LIPA: variants seen among roughly 807,000 people sequenced by gnomAD.
LIPA encodes lipase A, lysosomal acid type.
In LIPA, 26 loss-of-function variants were observed where a neutral mutation model predicts 40.6. That is an observed-to-expected ratio of 0.64 (90% CI 0.47 to 0.89). The LOEUF is 0.89. LIPA is among the 40% of genes least tolerant of loss of function. LIPA has a pLI of 0.00. For missense variants in LIPA, 455 were observed against 479.6 expected (o/e 0.95, Z 0.48); for synonymous variants, 188 against 168.4 (o/e 1.12, Z -0.90).
At chr10:89,333,324 T>C (rs2133547501) in intron 1 of LIPA, among the ~76,000 whole-genome samples, 1 of 152,292 alleles carries the variant, frequency 6.6e-6, no homozygotes, top group South Asian at 2.1e-4. Flanking sequence ...GAAATCCTGA[T>C]TGAGTAAAAC....
intron 1 of LIPA, among the ~76,000 whole-genome samples, chr10:89,259,427 G>T (rs1019051589): frequency 6.6e-6 from 1 of 152,202 alleles, no homozygotes; most frequent in Non-Finnish European, 1.5e-5. Flanking sequence ...AAAAGTGTTG[G>T]CAAGGATGTG....
At chr10:89,399,521 T>C (rs1844391365) in intron 2 of LIPA, among the ~76,000 whole-genome samples, 1 of 152,218 alleles carries the variant, frequency 6.6e-6, no homozygotes, top group South Asian at 2.1e-4. Flanking sequence ...CATTTAGGTC[T>C]TTCATCCATT....
At chr10:89,287,296 C>G (rs950130135) in intron 1 of LIPA, among the ~76,000 whole-genome samples, 1 of 152,192 alleles carries the variant, frequency 6.6e-6, no homozygotes, top group Non-Finnish European at 1.5e-5. Context: ...GCATTACCTT[C>G]TTTTCAAGGT....
chr10:89,283,417 T>C (rs1283062243), intron 1 of LIPA, among the ~76,000 whole-genome samples: 1 of 152,230 alleles, frequency 6.6e-6, no homozygotes, highest in Non-Finnish European at 1.5e-5. Context: ...AAATTTAATT[T>C]GTCTAAGGTT....
intron 1 of LIPA, among the ~76,000 whole-genome samples, chr10:89,336,804 T>C (rs1469718524): frequency 1.3e-5 from 2 of 152,150 alleles, no homozygotes; most frequent in Non-Finnish European, 2.9e-5. Flanking sequence ...GGACACTTGG[T>C]TTAATGATTT....
At chr10:89,326,527 C>G (rs1372537908) in intron 1 of LIPA, among the ~76,000 whole-genome samples, 2 of 152,012 alleles carry the variant, frequency 1.3e-5, no homozygotes, top group African/African-American at 4.8e-5. Context: ...TTTGTTAGAA[C>G]AAGAGGATGA....
rs1016919907 is a variant in LIPA at position 89,352,937 on chromosome 10, A to C, written c.61+59854T>G. Among the ~76,000 whole-genome samples, 3 of 152,226 alleles carry C rather than the reference A, an allele frequency of 2.0e-5. No homozygotes were observed. The East Asian group carries it at 5.8e-4, about 29-fold the overall frequency. Reference sequence around the variant, plus strand: ...ACTGATAGCTTGTCTTCACCAGTACAGGACAGAAAGTCATAACTCTACTCG... The same window carrying C: ...ACTGATAGCTTGTCTTCACCAGTACCGGACAGAAAGTCATAACTCTACTCG... On this transcript the variant is annotated intron_variant, in intron 2 of 8. Coordinates refer to the LIPA transcript ENST00000371837.
intron 1 of LIPA, among the ~76,000 whole-genome samples, chr10:89,315,485 T>C (rs1261875643): frequency 1.3e-5 from 2 of 152,144 alleles, no homozygotes; most frequent in Non-Finnish European, 2.9e-5. Flanking sequence ...GAAACGCTTC[T>C]AGCTAACAAT....
upstream of LIPA, among the ~76,000 whole-genome samples, chr10:89,346,340 G>C (rs1056872321): frequency 9.9e-5 from 15 of 152,080 alleles, no homozygotes; most frequent in Admixed American, 6.6e-5. Context: ...TAATCTACAA[G>C]TCTTGTTCAA....
intron 2 of LIPA, among the ~76,000 whole-genome samples, chr10:89,398,167 A>C (rs780291623): frequency 6.6e-6 from 1 of 152,230 alleles, no homozygotes; most frequent in Non-Finnish European, 1.5e-5. Context: ...AAGGTTCTGC[A>C]GAGCCCTGGG....
At chr10:89,215,171 G>A (rs572461371) in intron 9 of LIPA, 110 bp from the exon 10 acceptor site, 1 of 837,500 alleles carries the variant, frequency 1.2e-6, no homozygotes, top group Non-Finnish European at 2.0e-6. Context: ...TTGACTAACA[G>A]ACTAAATTTT....
chr10:89,305,274 A>G (rs1419599053), intron 1 of LIPA, among the ~76,000 whole-genome samples: 1 of 152,186 alleles, frequency 6.6e-6, no homozygotes, highest in Non-Finnish European at 1.5e-5. Flanking sequence ...CACAGAAAAA[A>G]ATGAGAATGT....
At chr10:89,264,654 T>C (rs1204480094) in intron 1 of LIPA, among the ~76,000 whole-genome samples, 1 of 152,234 alleles carries the variant, frequency 6.6e-6, no homozygotes, top group East Asian at 1.9e-4. Flanking sequence ...TCCTGACATC[T>C]GTCCCAGTCT....
rs185174283 is a variant in LIPA, at chr10:89,367,436, C to G, written c.61+45355G>C. ...GCTCTGTCCTGCAATTGTTTCTAAA[C>G]CACTTCTTATTCTTGTAAACAAGAT... On this transcript the variant is annotated intron_variant, in intron 2 of 8. Transcript: ENST00000371837. Among the ~76,000 whole-genome samples, 3 of 152,340 alleles carry G rather than the reference C, an allele frequency of 2.0e-5. No homozygotes were observed. In the East Asian group the frequency reaches 5.8e-4, roughly 29 times the overall value.
chr10:89,397,074 T>C (rs303215), intron 2 of LIPA, among the ~76,000 whole-genome samples: 26,272 of 152,216 alleles, frequency 0.17, 2,924 homozygotes, highest in East Asian at 0.45. Context: ...TTTCTTGATA[T>C]ATATGAAAGT....
rs1408407724 is a variant in LIPA at position 89,223,724 on chromosome 10, CAG to C, written c.780_781del (p.Cys261PhefsTer7). 1.2e-6 allele frequency: 2 copies of C among 1,613,394 alleles called. No individual in the cohort carries two copies. The highest frequency in any genetic ancestry group is 1.7e-6 in the Non-Finnish European group (2 of 1,179,464). Reference sequence around the variant, plus strand: ...CTCATTAAATCCACACAGAAGAAAACAGAGATTTCCACAGAGCTCCTTCAGTA... The same window carrying C: ...CTCATTAAATCCACACAGAAGAAAACAGATTTCCACAGAGCTCCTTCAGTA... On this transcript the variant is annotated frameshift_variant, in exon 7 of 10. Transcript: ENST00000336233. LOFTEE classifies it high-confidence loss of function.
chr10:89,302,212 G>C, intron 1 of LIPA: 3 of 1,419,824 alleles, frequency 2.1e-6, no homozygotes, highest in Non-Finnish European at 3.0e-6. Flanking sequence ...TCCCAAAGAG[G>C]GCCAGCTCCA....
At chr10:89,267,807 T>C (rs1589583630) in intron 1 of LIPA, among the ~76,000 whole-genome samples, 1 of 149,378 alleles carries the variant, frequency 6.7e-6, no homozygotes, top group African/African-American at 2.5e-5. Context: ...ATCCTTTCAA[T>C]CTCCTGCAGG....
chr10:89,221,954 G>T (rs1280957506), intron 8 of LIPA, among the ~76,000 whole-genome samples: 15 of 152,110 alleles, frequency 9.9e-5, no homozygotes, highest in Admixed American at 9.8e-4. Context: ...TTTCTAGAAT[G>T]AACATGACTT....
Sources: allele counts gnomAD v4.1 joint callset (sites outside exome capture counted in the v4.1 genomes callset), GRCh38; gene constraint gnomAD v4.1.1; transcripts MANE v1.5; gene names NCBI Gene and HGNC (gene_info 2026-07-23, HGNC 2026-07-21).